Variants in SAMD12 observed in about 807,000 individuals in gnomAD.
SAMD12 encodes the protein sterile alpha motif domain containing 12.
In SAMD12, 9 loss-of-function variants were observed where a neutral mutation model predicts 15.0. The ratio of observed to expected loss-of-function variants is 0.60; its 90% CI spans 0.36 to 1.05. The LOEUF is 1.05. Ranked by LOEUF, SAMD12 falls within the 50% of genes least tolerant of loss-of-function variation. The probability of loss-of-function intolerance (pLI) is 0.01; values close to 1 mark genes in which losing one functional copy is unlikely to be tolerated. For missense variants in SAMD12, 230 were observed against 234.2 expected (o/e 0.98, Z 0.12); for synonymous variants, 86 against 90.1 (o/e 0.96, Z 0.25).
At chr8:118,348,397 G>A (rs1817773905) in intron 4 of SAMD12, among the ~76,000 whole-genome samples, 1 of 151,526 alleles carries the variant, frequency 6.6e-6, no homozygotes, top group Non-Finnish European at 1.5e-5. Context: ...TTGAGATGGA[G>A]TATCGCTCTG....
chr8:118,197,502 A>G, exon 5 of SAMD12: 1 of 621,148 alleles, frequency 1.6e-6, no homozygotes, highest in Admixed American at 2.8e-5. Context: ...TTGGCATTAT[A>G]TTATGCACCT....
chr8:118,148,660 A>G, the SAMD12 span, among the ~76,000 whole-genome samples: 1 of 152,316 alleles, frequency 6.6e-6, no homozygotes, highest in Non-Finnish European at 1.5e-5. Flanking sequence ...TCCCCCTTAA[A>G]AAATCTTTCA....
intron 4 of SAMD12, among the ~76,000 whole-genome samples, chr8:118,314,758 T>C (rs868018175): frequency 6.6e-6 from 1 of 152,162 alleles, no homozygotes; most frequent in Non-Finnish European, 1.5e-5. Context: ...TGATATGCCA[T>C]GGTGTGGATG....
At chr8:118,371,877 A>G (rs1819115397) in intron 4 of SAMD12, among the ~76,000 whole-genome samples, 1 of 152,184 alleles carries the variant, frequency 6.6e-6, no homozygotes, top group Admixed American at 6.5e-5. Flanking sequence ...GACGTGGCAG[A>G]AGAGGGCAGT....
intron 4 of SAMD12, among the ~76,000 whole-genome samples, chr8:118,271,625 C>A (rs1198421870): frequency 6.6e-6 from 1 of 152,172 alleles, no homozygotes; most frequent in African/African-American, 2.4e-5. Flanking sequence ...AACTCAAAAG[C>A]AAGTTAGTTA....
intron 1 of SAMD12, among the ~76,000 whole-genome samples, chr8:118,615,715 G>T (rs1828223293): frequency 6.6e-6 from 1 of 152,180 alleles, no homozygotes; most frequent in Non-Finnish European, 1.5e-5. Flanking sequence ...CACCAGCAAA[G>T]GTTTCCCAGT....
chr8:118,403,928 G>T (rs1207744841), intron 3 of SAMD12, among the ~76,000 whole-genome samples: 1 of 152,160 alleles, frequency 6.6e-6, no homozygotes, highest in Non-Finnish European at 1.5e-5. Context: ...ACTGCCTTTG[G>T]TTTCCAGCAA....
At chr8:118,554,041 T>A (rs1826439883) in intron 2 of SAMD12, among the ~76,000 whole-genome samples, 1 of 152,110 alleles carries the variant, frequency 6.6e-6, no homozygotes, top group Non-Finnish European at 1.5e-5. Context: ...CAACAGGTGC[T>A]GGAGCGGATG....
intron 3 of SAMD12, among the ~76,000 whole-genome samples, chr8:118,429,610 G>C (rs760485228): frequency 6.6e-6 from 1 of 151,808 alleles, no homozygotes; most frequent in Admixed American, 6.6e-5. Flanking sequence ...TAGAAGGTAA[G>C]TAGCCGGGTG....
At chr8:118,391,799 C>A (rs1053920856) in intron 3 of SAMD12, among the ~76,000 whole-genome samples, 1 of 152,168 alleles carries the variant, frequency 6.6e-6, no homozygotes, top group East Asian at 1.9e-4. Context: ...GAGACAGTAA[C>A]ATACTTTTGC....
At chr8:118,596,434 A>T (rs1007402786) in intron 1 of SAMD12, among the ~76,000 whole-genome samples, 4 of 152,088 alleles carry the variant, frequency 2.6e-5, no homozygotes. Flanking sequence ...ACTGGTAAGC[A>T]CTCCATCCTT....
intron 2 of SAMD12, among the ~76,000 whole-genome samples, chr8:118,545,091 T>C (rs1281866687): frequency 1.3e-5 from 2 of 152,180 alleles, no homozygotes; most frequent in South Asian, 2.1e-4. Context: ...CGGTAGACCT[T>C]GGATGAGGTC....
intron 4 of SAMD12, among the ~76,000 whole-genome samples, chr8:118,320,218 T>C (rs1305932600): frequency 3.3e-5 from 5 of 152,164 alleles, no homozygotes; most frequent in African/African-American, 7.2e-5. Context: ...AATGGCTATC[T>C]TGTGAAAAAA....
intron 1 of SAMD12, among the ~76,000 whole-genome samples, chr8:118,585,469 AAAAT>A (rs1378232835): frequency 6.6e-6 from 1 of 152,240 alleles, no homozygotes. Context: ...TCACAATAAA[AAAAT>A]AAAAACTTAA....
At chr8:118,588,121 T>C (rs1411397645) in intron 1 of SAMD12, among the ~76,000 whole-genome samples, 1 of 152,196 alleles carries the variant, frequency 6.6e-6, no homozygotes, top group Non-Finnish European at 1.5e-5. Context: ...TGAAACTTTC[T>C]TGCTTAGCTG....
chr8:118,599,185 C>T (rs558792077), intron 1 of SAMD12, among the ~76,000 whole-genome samples: 1 of 152,282 alleles, frequency 6.6e-6, no homozygotes, highest in African/African-American at 2.4e-5. Flanking sequence ...AAATGGATGG[C>T]GTGTACTTTG....
intron 2 of SAMD12, among the ~76,000 whole-genome samples, chr8:118,468,738 A>AT (rs1012872976): frequency 3.9e-5 from 6 of 152,038 alleles, no homozygotes; most frequent in African/African-American, 1.4e-4. Context: ...TATGAACACT[A>AT]TGCCCTGCTA....
At chr8:118,363,496 T>G (rs1005776399) in intron 4 of SAMD12, among the ~76,000 whole-genome samples, 1 of 152,166 alleles carries the variant, frequency 6.6e-6, no homozygotes, top group Non-Finnish European at 1.5e-5. Context: ...TTTTCCTGTC[T>G]TTAGACCTGA....
chr8:118,467,843 T>C (rs376862271), intron 2 of SAMD12, among the ~76,000 whole-genome samples: 114 of 152,284 alleles, frequency 7.5e-4, no homozygotes, highest in African/African-American at 2.6e-3. Flanking sequence ...AGATTACACA[T>C]TGAAATCGCC....
Sources: allele counts gnomAD v4.1 joint callset (sites outside exome capture counted in the v4.1 genomes callset), GRCh38; gene constraint gnomAD v4.1.1; transcripts MANE v1.5; gene names NCBI Gene and HGNC (gene_info 2026-07-23, HGNC 2026-07-21).